The following AUTS2 variants were observed in gnomAD, a reference collection of about 807,000 sequenced individuals.
AUTS2 encodes the protein autism susceptibility gene 2 protein.
Under a neutral mutation model 112.4 loss-of-function variants are expected in AUTS2, and 17 were observed. That is an observed-to-expected ratio of 0.15 (90% CI 0.10 to 0.23). AUTS2 has a LOEUF of 0.23. AUTS2 is among the 10% of genes least tolerant of loss of function. The probability of loss-of-function intolerance (pLI) is 1.00; values close to 1 mark genes in which losing one functional copy is unlikely to be tolerated. For synonymous variants in AUTS2, 751 were observed against 702.7 expected, an observed-to-expected ratio of 1.07 and a Z score of -1.09; for missense variants, 1,510 against 1,701.6, an observed-to-expected ratio of 0.89 and a Z score of 1.98.
At chr7:69,807,174 G>A (rs1790346245) in intron 1 of AUTS2, among the ~76,000 whole-genome samples, 1 of 152,094 alleles carries the variant, frequency 6.6e-6, no homozygotes, top group Non-Finnish European at 1.5e-5. Context: ...GTTTCCAGTC[G>A]TTTTTCCTCC....
chr7:70,204,800 T>G (rs372357582), intron 4 of AUTS2, among the ~76,000 whole-genome samples: 1 of 152,326 alleles, frequency 6.6e-6, no homozygotes, highest in East Asian at 1.9e-4. Flanking sequence ...ATTATCCTCA[T>G]GGTCTAGGGG....
chr7:69,994,522 T>C (rs1171737394), intron 2 of AUTS2, among the ~76,000 whole-genome samples: 2 of 152,296 alleles, frequency 1.3e-5, no homozygotes, highest in East Asian at 3.9e-4. Flanking sequence ...GTTTCCATGT[T>C]GTCTGTGTGA....
In AUTS2 at chr7:70,791,314, T is replaced by TG. The variant is rs147864778; in HGVS notation, c.*325dup. 16,787 of 78,744 alleles carry TG rather than the reference T, an allele frequency of 0.21. 1,052 individuals carry two copies. The highest frequency in any genetic ancestry group is 0.25 in the Non-Finnish European group (10,377 of 41,862). The allele number at this position is 78,744 out of a possible 1,614,324, so 4.9% of individuals were successfully genotyped here. On this transcript the variant is annotated 3_prime_UTR_variant, in exon 19 of 19. Coordinates refer to ENST00000342771, the MANE Select transcript of AUTS2 (RefSeq NM_015570.4). ...TGGATGATAATTGTAGCGGGGGCGG[T>TG]GGGGGGGAGAAGTCCACGCCATCCA...
chr7:70,370,497 T>C (rs1792791421), intron 4 of AUTS2, among the ~76,000 whole-genome samples: 1 of 152,216 alleles, frequency 6.6e-6, no homozygotes, highest in Non-Finnish European at 1.5e-5. Flanking sequence ...ATCCATGTTG[T>C]AGTATATGTC....
chr7:70,020,725 T>C, intron 2 of AUTS2, among the ~76,000 whole-genome samples: 1 of 152,114 alleles, frequency 6.6e-6, no homozygotes, highest in Non-Finnish European at 1.5e-5. Context: ...AGGGCCTCAC[T>C]CTGTTGCCCA....
intron 2 of AUTS2, among the ~76,000 whole-genome samples, chr7:70,063,392 C>A (rs866610226): frequency 5.9e-5 from 9 of 151,860 alleles, no homozygotes; most frequent in Non-Finnish European, 1.3e-4. Flanking sequence ...TGTTGGTATA[C>A]CAGAATGATG....
chr7:70,571,561 T>C (rs1259936115), intron 5 of AUTS2, among the ~76,000 whole-genome samples: 1 of 152,122 alleles, frequency 6.6e-6, no homozygotes, highest in Non-Finnish European at 1.5e-5. Context: ...CTAGAGTCAA[T>C]AAGGAGATGT....
chr7:70,064,448 T>G (rs1362301677), intron 2 of AUTS2, among the ~76,000 whole-genome samples: 1 of 152,180 alleles, frequency 6.6e-6, no homozygotes, highest in South Asian at 2.1e-4. Context: ...CAATGGCTGC[T>G]TTTTGGCCTT....
At chr7:70,026,757 T>C (rs758077206) in intron 2 of AUTS2, among the ~76,000 whole-genome samples, 20 of 152,174 alleles carry the variant, frequency 1.3e-4, no homozygotes, top group Non-Finnish European at 2.5e-4. Context: ...TGAATGGGTA[T>C]ACATATGTGC....
intron 2 of AUTS2, among the ~76,000 whole-genome samples, chr7:69,948,709 G>A (rs188270464): frequency 6.6e-6 from 1 of 152,106 alleles, no homozygotes; most frequent in African/African-American, 2.4e-5. Flanking sequence ...GAGATGAACT[G>A]CTTTATATCA....
At chr7:70,171,217 A>G (rs1350716776) in intron 4 of AUTS2, among the ~76,000 whole-genome samples, 1 of 152,190 alleles carries the variant, frequency 6.6e-6, no homozygotes, top group Non-Finnish European at 1.5e-5. Context: ...AAACTGTTGG[A>G]TTGCATGCCA....
chr7:69,937,014 T>C (rs1382078012), intron 2 of AUTS2, among the ~76,000 whole-genome samples: 5 of 152,014 alleles, frequency 3.3e-5, no homozygotes, highest in Admixed American at 3.3e-4. Flanking sequence ...TTCCCTTCTC[T>C]CTCTTCTCAT....
At chr7:69,835,908 G>A (rs1036561578) in intron 1 of AUTS2, among the ~76,000 whole-genome samples, 5 of 152,148 alleles carry the variant, frequency 3.3e-5, no homozygotes, top group Admixed American at 1.3e-4. Flanking sequence ...AGGGTGAAGA[G>A]GTTTGACAGT....
At chr7:69,627,491 C>CA (rs1794011014) in intron 1 of AUTS2, among the ~76,000 whole-genome samples, 1 of 150,878 alleles carries the variant, frequency 6.6e-6, no homozygotes, top group Non-Finnish European at 1.5e-5. Context: ...AACGCCGTCT[C>CA]AAAAAAACCC....
chr7:70,402,303 G>A (rs1794359163), intron 4 of AUTS2, among the ~76,000 whole-genome samples: 1 of 152,228 alleles, frequency 6.6e-6, no homozygotes, highest in Non-Finnish European at 1.5e-5. Context: ...GATAGGGACA[G>A]CATAAAGGTT....
chr7:70,086,309 T>G, intron 2 of AUTS2, among the ~76,000 whole-genome samples: 1 of 152,180 alleles, frequency 6.6e-6, no homozygotes, highest in East Asian at 1.9e-4. Flanking sequence ...CAAGGTGTGT[T>G]TCTTTATTTC....
At chr7:70,326,919 T>TC (rs2129618551) in intron 4 of AUTS2, among the ~76,000 whole-genome samples, 1 of 146,286 alleles carries the variant, frequency 6.8e-6, no homozygotes, top group South Asian at 2.2e-4. Flanking sequence ...GCTTGGTTCT[T>TC]TTTTTTTTTT....
At chr7:69,944,305 T>G (rs2129545275) in intron 2 of AUTS2, among the ~76,000 whole-genome samples, 1 of 152,266 alleles carries the variant, frequency 6.6e-6, no homozygotes, top group East Asian at 1.9e-4. Flanking sequence ...GAAGAGAAAC[T>G]CAGCACATAC....
chr7:69,897,915 T>C (rs574838189), intron 1 of AUTS2, among the ~76,000 whole-genome samples: 21 of 151,848 alleles, frequency 1.4e-4, no homozygotes, highest in South Asian at 1.0e-3. Context: ...AGTGAGAAAA[T>C]TGGATGTGAA....
Sources: allele counts gnomAD v4.1 joint callset (sites outside exome capture counted in the v4.1 genomes callset), GRCh38; gene constraint gnomAD v4.1.1; transcripts MANE v1.5; gene names NCBI Gene and HGNC (gene_info 2026-07-23, HGNC 2026-07-21).